Variants in CNTN4 observed in about 807,000 individuals in gnomAD.
The protein encoded by CNTN4 is contactin 4.
In CNTN4, 77 loss-of-function variants were observed where a neutral mutation model predicts 122.5. That is an observed-to-expected ratio of 0.63 (90% confidence interval 0.52 to 0.76). CNTN4 has a LOEUF of 0.76. CNTN4 is among the 30% of genes least tolerant of loss of function. The pLI, the probability that CNTN4 is intolerant of heterozygous loss-of-function variation, is 0.00. For synonymous variants in CNTN4, 512 were observed against 447.0 expected (o/e 1.15, Z -1.83); for missense variants, 1,256 against 1,259.1 (o/e 1.00, Z 0.04).
chr3:2,939,378 G>A (rs1050644778), intron 13 of CNTN4, among the ~76,000 whole-genome samples: 1 of 151,864 alleles, frequency 6.6e-6, no homozygotes, highest in Non-Finnish European at 1.5e-5. Flanking sequence ...GGTGTGTGTG[G>A]GGGGGTATGG....
Position 2,515,203 on chromosome 3 carries a change from G to T in CNTN4, c.-88-56213G>T, listed in dbSNP as rs151161367. On this transcript the variant is annotated intron_variant, in intron 3 of 24. Transcript: ENST00000418658. ...ACTTAGCTTTAGGCATGTATGTGCAGCAGGGACCCAGAAAGTTATGCTGCA... is the reference window on the plus strand; with the variant it reads ...ACTTAGCTTTAGGCATGTATGTGCATCAGGGACCCAGAAAGTTATGCTGCA... Among the ~76,000 whole-genome samples the T allele has an allele frequency of 8.1e-3, 1,239 of 152,250 alleles. 23 individuals carry two copies. The highest frequency in any genetic ancestry group is 0.029 in the African/African-American group (1,186 of 41,548).
At chr3:2,443,368 A>C (rs1011083527) in intron 3 of CNTN4, among the ~76,000 whole-genome samples, 2 of 152,138 alleles carry the variant, frequency 1.3e-5, no homozygotes, top group African/African-American at 4.8e-5. Flanking sequence ...AGCCAGGGCC[A>C]CTAGTTTCTT....
chr3:2,649,668 A>G (rs1233016612), intron 4 of CNTN4, among the ~76,000 whole-genome samples: 3 of 152,202 alleles, frequency 2.0e-5, no homozygotes, highest in Non-Finnish European at 4.4e-5. Context: ...AGCTAACACA[A>G]CATCGAATCT....
intron 3 of CNTN4, among the ~76,000 whole-genome samples, chr3:2,404,216 T>C (rs1050682272): frequency 2.0e-5 from 3 of 152,214 alleles, no homozygotes; most frequent in African/African-American, 7.2e-5. Flanking sequence ...ACAATATTTA[T>C]GGATCAGAAG....
chr3:2,138,061 T>C (rs959388663), intron 2 of CNTN4, among the ~76,000 whole-genome samples: 12 of 150,846 alleles, frequency 8.0e-5, no homozygotes, highest in African/African-American at 2.5e-4. Context: ...AATATTCTTC[T>C]TCTTCTTTTT....
At chr3:2,958,102 A>G (rs1229513652) in intron 13 of CNTN4, among the ~76,000 whole-genome samples, 3 of 152,136 alleles carry the variant, frequency 2.0e-5, no homozygotes, top group Admixed American at 6.5e-5. Flanking sequence ...CACATATTGC[A>G]AGACTGTAGC....
chr3:2,676,980 G>A (rs139955795), intron 4 of CNTN4, among the ~76,000 whole-genome samples: 6 of 152,216 alleles, frequency 3.9e-5, no homozygotes, highest in Non-Finnish European at 7.4e-5. Flanking sequence ...TTCAGAGCCT[G>A]CAGGGTTCTG....
At chr3:2,700,733 A>G (rs1266585394) in intron 4 of CNTN4, among the ~76,000 whole-genome samples, 2 of 152,144 alleles carry the variant, frequency 1.3e-5, no homozygotes, top group African/African-American at 4.8e-5. Context: ...CGTTTTCCCT[A>G]CAGTATAGGA....
chr3:2,485,438 A>G (rs570539574), intron 3 of CNTN4, among the ~76,000 whole-genome samples: 1 of 152,372 alleles, frequency 6.6e-6, no homozygotes, highest in Admixed American at 6.5e-5. Context: ...TACACCAAGC[A>G]GCACTCTGTG....
intron 2 of CNTN4, among the ~76,000 whole-genome samples, chr3:2,159,804 A>C (rs1286401594): frequency 6.6e-6 from 1 of 152,098 alleles, no homozygotes; most frequent in East Asian, 1.9e-4. Context: ...AATCTGAATA[A>C]TAAGGTCAAT....
At chr3:2,283,223 A>T (rs1221320733) in intron 2 of CNTN4, among the ~76,000 whole-genome samples, 1 of 152,158 alleles carries the variant, frequency 6.6e-6, no homozygotes, top group East Asian at 1.9e-4. Context: ...AGACAAAAGA[A>T]ATTGGTGGAA....
chr3:2,453,336 G>C (rs1176714154), intron 3 of CNTN4, among the ~76,000 whole-genome samples: 2 of 152,012 alleles, frequency 1.3e-5, no homozygotes, highest in Non-Finnish European at 2.9e-5. Context: ...AAAACATTTA[G>C]GGGAAAGATG....
At chr3:2,905,906 T>C (rs1385140660) in intron 12 of CNTN4, among the ~76,000 whole-genome samples, 1 of 152,206 alleles carries the variant, frequency 6.6e-6, no homozygotes, top group Non-Finnish European at 1.5e-5. Flanking sequence ...TTCCTGCACA[T>C]AGAGAATCTT....
intron 3 of CNTN4, among the ~76,000 whole-genome samples, chr3:2,357,474 C>G (rs1190524075): frequency 6.6e-6 from 1 of 152,186 alleles, no homozygotes; most frequent in Non-Finnish European, 1.5e-5. Context: ...CCTTAATTCA[C>G]TATCGCTGTC....
chr3:2,414,018 G>A (rs759108995), intron 3 of CNTN4, among the ~76,000 whole-genome samples: 22 of 152,122 alleles, frequency 1.4e-4, no homozygotes, highest in Non-Finnish European at 2.5e-4. Context: ...GAATACCGAG[G>A]ATGGCACAGA....
chr3:2,773,617 G>A (rs919516125), intron 6 of CNTN4, among the ~76,000 whole-genome samples: 5 of 152,066 alleles, frequency 3.3e-5, no homozygotes, highest in African/African-American at 7.2e-5. Flanking sequence ...CAGTAAGGCC[G>A]AAATTCCTTA....
chr3:2,817,733 G>A (rs2092770687), intron 6 of CNTN4, among the ~76,000 whole-genome samples: 1 of 152,124 alleles, frequency 6.6e-6, no homozygotes, highest in Non-Finnish European at 1.5e-5. Context: ...GAAATTGAAT[G>A]GGATATCTGT....
rs563168319 is a variant in CNTN4 at position 2,841,876 on chromosome 3, A to G, written c.454+22295A>G. 2.7e-5 allele frequency among the ~76,000 whole-genome samples: 4 copies of G among 150,164 alleles called. No individual in the cohort carries two copies. Among genetic ancestry groups the G allele is most frequent in the African/African-American group, 1.0e-4 (4 of 39,486 alleles). On this transcript the variant is annotated intron_variant, in intron 7 of 24. Coordinates refer to ENST00000418658, the MANE Select transcript of CNTN4 (RefSeq NM_175607.3). This position sits in a 1 kb window ranked among gnomAD's most constrained non-coding sequence, Gnocchi z 4.8. ...AGGATCTAATCTTTTATATCACAGT[A>G]AGAAGCTGATCAAAGGTGTTGAAAG...
At chr3:2,138,095 C>T (rs1405694819) in intron 2 of CNTN4, among the ~76,000 whole-genome samples, 1 of 146,700 alleles carries the variant, frequency 6.8e-6, no homozygotes, top group African/African-American at 2.5e-5. Context: ...GAGACGGAGT[C>T]TCGCTCTGTT....
Sources: gnomAD v4.1 joint callset for allele counts (sites outside exome capture counted in the v4.1 genomes callset) on GRCh38, gnomAD v4.1.1 for gene constraint, Gnocchi (gnomAD v3.1) non-coding constraint, MANE v1.5 for transcripts, NCBI Gene and HGNC (gene_info 2026-07-23, HGNC 2026-07-21) for gene names.